Variants in NAMPT observed in about 807,000 individuals in gnomAD.
The protein encoded by NAMPT is NAmPRTase.
In NAMPT, 7 loss-of-function variants were observed where a neutral mutation model predicts 58.7. That is an observed-to-expected ratio of 0.12 (90% CI 0.07 to 0.22). NAMPT has a LOEUF of 0.22. Among genes scored for constraint, NAMPT ranks in the 10% least tolerant of loss-of-function variants. NAMPT has a pLI of 1.00. For synonymous variants in NAMPT, 145 were observed against 198.1 expected (o/e 0.73, Z 2.25); for missense variants, 271 against 567.9 (o/e 0.48, Z 5.31).
At chr7:106,283,428 T>C (rs1391083122) in intron 1 of NAMPT, among the ~76,000 whole-genome samples, 1 of 152,136 alleles carries the variant, frequency 6.6e-6, no homozygotes, top group Non-Finnish European at 1.5e-5. Context: ...TCCCTTTACA[T>C]TTGGCTAACA....
intron 6 of NAMPT, among the ~76,000 whole-genome samples, chr7:106,266,560 G>A (rs1215239688): frequency 1.3e-5 from 2 of 152,062 alleles, no homozygotes; most frequent in South Asian, 2.1e-4. Context: ...GCTCATAAAC[G>A]TCAGCTGAAT....
In NAMPT at chr7:106,250,183, G is replaced by A. The variant is rs891950027; in HGVS notation, c.*900C>T. The A allele has an allele frequency of 3.3e-5, 5 of 152,260 alleles. No individual in the cohort carries two copies. Among genetic ancestry groups the A allele is most frequent in the African/African-American group, 4.8e-5 (2 of 41,344 alleles). 9.4% of individuals were successfully genotyped at this position (152,260 alleles called of 1,614,324 possible). On this transcript the variant is annotated 3_prime_UTR_variant, in exon 11 of 11. Transcript: ENST00000222553. ...TAGAATATGAAAAATAAATTCAGAA[G>A]TGTAATTACTTTAAAATACACTACT...
At chr7:106,263,766 G>A (rs1239557213) in intron 6 of NAMPT, 149 bp from the exon 7 acceptor site, 2 of 670,626 alleles carry the variant, frequency 3.0e-6, no homozygotes, top group East Asian at 5.4e-5. Context: ...TACATCGTAA[G>A]GCAAATGAAG....
At chr7:106,276,298 C>T (rs1021589249) in intron 2 of NAMPT, 8 of 152,090 alleles carry the variant, frequency 5.3e-5, no homozygotes, top group African/African-American at 1.9e-4. Context: ...AATGGCCTTT[C>T]AAATAAGAAA....
intron 6 of NAMPT, among the ~76,000 whole-genome samples, chr7:106,268,041 T>C (rs375741640): frequency 4.6e-5 from 7 of 152,062 alleles, no homozygotes; most frequent in African/African-American, 1.4e-4. Context: ...TGCTTTCTCA[T>C]CTACAACTGA....
At chr7:106,252,673 A>T (rs1231474238) in intron 10 of NAMPT, among the ~76,000 whole-genome samples, 3 of 152,152 alleles carry the variant, frequency 2.0e-5, no homozygotes, top group Non-Finnish European at 4.4e-5. Flanking sequence ...AACTTGGTTA[A>T]ATCAAGGTTT....
At chr7:106,282,264 A>G (rs1049619731) in intron 1 of NAMPT, among the ~76,000 whole-genome samples, 13 of 152,148 alleles carry the variant, frequency 8.5e-5, no homozygotes, top group Non-Finnish European at 1.2e-4. Context: ...ACCATATATA[A>G]ATTTCACAGC....
chr7:106,252,621 G>A (rs1299262837), intron 10 of NAMPT, among the ~76,000 whole-genome samples: 1 of 151,980 alleles, frequency 6.6e-6, no homozygotes, highest in Non-Finnish European at 1.5e-5. Flanking sequence ...AACTACTTTA[G>A]TGTACTGTAA....
intron 1 of NAMPT, among the ~76,000 whole-genome samples, chr7:106,283,068 T>C (rs1307761924): frequency 6.6e-6 from 1 of 152,156 alleles, no homozygotes; most frequent in Non-Finnish European, 1.5e-5. Flanking sequence ...AAGCCACTGG[T>C]ATAAAACATA....
rs1319113286 is a variant in NAMPT, at chr7:106,277,220, G to A, written c.58-41C>T. ...CACTTCTGTTAGAAAACACCGATGA[G>A]TAGACTATAAATCACAACAGAAAAG... On this transcript the variant is annotated intron_variant, in intron 1 of 10. Coordinates refer to ENST00000222553, the MANE Select transcript of NAMPT (RefSeq NM_005746.3). The A allele has an allele frequency of 6.0e-6, 9 of 1,504,494 alleles. No individual in the cohort carries two copies. The South Asian group carries it at 8.1e-5, about 14-fold the overall frequency. The allele number at this position is 1,504,494 out of a possible 1,614,324, so 93.2% of individuals were successfully genotyped here. A position where few individuals can be genotyped will look rare whatever the true frequency, so the allele number is the denominator to read the frequency against.
intron 8 of NAMPT, among the ~76,000 whole-genome samples, chr7:106,260,340 T>C (rs1792281420): frequency 6.6e-6 from 1 of 152,264 alleles, no homozygotes; most frequent in African/African-American, 2.4e-5. Flanking sequence ...AACCAACCTC[T>C]GCTAGCTTCC....
In NAMPT at chr7:106,254,386, T is replaced by C; in HGVS notation, c.1208A>G (p.Tyr403Cys). 1.2e-6 allele frequency: 2 copies of C among 1,613,894 alleles called. No individual in the cohort carries two copies. Among genetic ancestry groups the C allele is most frequent in the Non-Finnish European group, 1.7e-6 (2 of 1,179,816 alleles). Reference protein sequence around the residue: ...DLLNCSFKCSYVVTNGLGINV... With the variant: ...DLLNCSFKCSCVVTNGLGINV... ...TACCCCAAGGCCATTAGTTACAACATAGCTACACTTGAAGGAACAATTCAA... is the reference window on the plus strand; with the variant it reads ...TACCCCAAGGCCATTAGTTACAACACAGCTACACTTGAAGGAACAATTCAA... Residue 403 changes from tyrosine (Y) to cysteine (C), a missense_variant, in exon 9 of 11, where the codon TAT (tyrosine) becomes TGT (cysteine). By Grantham distance (194) the Tyr-to-Cys change is radical. This residue lies in a region of NAMPT where 143 missense variants were observed against 331.1 expected (regional missense o/e 0.43). Transcript: ENST00000222553.
intron 1 of NAMPT, among the ~76,000 whole-genome samples, chr7:106,280,702 G>A (rs1379798312): frequency 2.0e-5 from 3 of 152,160 alleles, no homozygotes; most frequent in African/African-American, 4.8e-5. Flanking sequence ...AGCACTTTGG[G>A]AGGCCAAGAC....
At chr7:106,281,677 ATCTG>A (rs911219047) in intron 1 of NAMPT, among the ~76,000 whole-genome samples, 2 of 152,346 alleles carry the variant, frequency 1.3e-5, no homozygotes, top group Middle Eastern at 3.4e-3. Flanking sequence ...AACCCTGGAA[ATCTG>A]TCTGTTGCCC....
intron 7 of NAMPT, among the ~76,000 whole-genome samples, chr7:106,262,414 C>G (rs1468149688): frequency 2.0e-5 from 3 of 151,994 alleles, no homozygotes; most frequent in Non-Finnish European, 4.4e-5. Flanking sequence ...GAGAAAATTC[C>G]CCATTGATGA....
chr7:106,263,346 G>A, intron 7 of NAMPT, 46 bp downstream of exon 7: 1 of 1,325,568 alleles, frequency 7.5e-7, no homozygotes, highest in Non-Finnish European at 1.1e-6. Context: ...TGATGCAGCT[G>A]GCCTACAGAG....
intron 1 of NAMPT, among the ~76,000 whole-genome samples, chr7:106,280,785 C>T (rs1792746754): frequency 6.6e-6 from 1 of 151,688 alleles, no homozygotes; most frequent in African/African-American, 2.4e-5. Flanking sequence ...ACTAAAAATA[C>T]AAAAAACTAG....
upstream of NAMPT, chr7:106,285,534 TACTC>T: frequency 6.1e-6 from 6 of 986,122 alleles, no homozygotes; most frequent in Non-Finnish European, 7.2e-6. Context: ...CACGCGCAGT[TACTC>T]ACCTTTGTCT....
intron 2 of NAMPT, 160 bp downstream of exon 2, chr7:106,276,863 T>A: frequency 1.6e-6 from 1 of 629,020 alleles, no homozygotes; most frequent in East Asian, 2.9e-5. Context: ...AAAAAACCTT[T>A]TATTTCAGAA....
Sources: allele counts gnomAD v4.1 joint callset (sites outside exome capture counted in the v4.1 genomes callset), GRCh38; gene constraint gnomAD v4.1.1; regional missense constraint gnomAD v4.1.1; transcripts MANE v1.5; gene names NCBI Gene and HGNC (gene_info 2026-07-23, HGNC 2026-07-21).